FBN2: variants seen among roughly 807,000 people sequenced by gnomAD.
FBN2 encodes fibrillin-2.
FBN2 carries 105 observed loss-of-function variants against 355.6 expected under a neutral mutation model. The ratio of observed to expected loss-of-function variants is 0.30; its 90% CI spans 0.25 to 0.35. The LOEUF (loss-of-function observed/expected upper bound fraction) is 0.35. FBN2 is among the 10% of genes least tolerant of loss of function. FBN2 has a pLI of 1.00. For synonymous variants in FBN2, 1,350 were observed against 1,301.2 expected, an observed-to-expected ratio of 1.04 and a Z score of -0.81; for missense variants, 3,280 against 3,758.7, an observed-to-expected ratio of 0.87 and a Z score of 3.33.
Position 128,280,184 on chromosome 5 carries a change from C to A in FBN2, c.7138+8G>T. On this transcript the variant is annotated splice_region_variant and intron_variant, in intron 56 of 64. Coordinates refer to ENST00000262464, the MANE Select transcript of FBN2 (RefSeq NM_001999.4). ...TACCAAGTATAATATATTTGGATGT[C>A]AACTTACCAAGGCATTCAGTGCCTG... 3 of 1,610,444 alleles carry A rather than the reference C, an allele frequency of 1.9e-6. No individual in the cohort carries two copies. In the South Asian group the frequency reaches 3.3e-5, roughly 18 times the overall value.
At chr5:128,502,877 T>C (rs1217507008) in intron 5 of FBN2, among the ~76,000 whole-genome samples, 1 of 152,234 alleles carries the variant, frequency 6.6e-6, no homozygotes, top group Non-Finnish European at 1.5e-5. Flanking sequence ...TATGACACTT[T>C]CTTTGTTCAA....
In FBN2 at chr5:128,328,750, G is replaced by A. The variant is rs1233430118; in HGVS notation, c.4417C>T (p.Arg1473Cys). 5 of 1,613,988 alleles carry A rather than the reference G, an allele frequency of 3.1e-6. No individual in the cohort carries two copies. Among genetic ancestry groups the A allele is most frequent in the Non-Finnish European group, 4.2e-6 (5 of 1,180,006 alleles). ...GQCLNVPGAY[R>C]CECEMGFTPA... ...GTGAAGCCCATCTCACACTCGCAGC[G>A]ATATGCACCCGGGACATTAAGGCAC... Residue 1473 changes from arginine (R) to cysteine (C), a missense_variant, in exon 34 of 65, where the codon CGC (arginine) becomes TGC (cysteine). Arg to Cys is a radical substitution (Grantham distance 180, BLOSUM62 -3). This residue lies in a region of FBN2 where 2,284 missense variants were observed against 2,749.5 expected (regional missense o/e 0.83). Transcript: ENST00000262464.
At chr5:128,276,969 G>A (rs918208683) in intron 58 of FBN2, among the ~76,000 whole-genome samples, 7 of 151,978 alleles carry the variant, frequency 4.6e-5, no homozygotes, top group African/African-American at 1.2e-4. Context: ...TTTCCTACTC[G>A]GACTCTGAGA....
intron 11 of FBN2, among the ~76,000 whole-genome samples, chr5:128,390,175 G>A (rs189890606): frequency 7.6e-4 from 116 of 152,140 alleles, no homozygotes; most frequent in African/African-American, 2.7e-3. Flanking sequence ...AATTTAAATG[G>A]CATTTAAGGA....
At chr5:128,360,406 C>T (rs1276701274) in intron 19 of FBN2, among the ~76,000 whole-genome samples, 1 of 152,020 alleles carries the variant, frequency 6.6e-6, no homozygotes, top group Admixed American at 6.6e-5. Flanking sequence ...TAAGTGTGTC[C>T]CCTTCTCACC....
intron 16 of FBN2, among the ~76,000 whole-genome samples, chr5:128,368,799 T>C (rs1751853340): frequency 6.6e-6 from 1 of 151,564 alleles, no homozygotes; most frequent in Non-Finnish European, 1.5e-5. Flanking sequence ...GCCCCCCTAG[T>C]AGCTGGGACT....
At chr5:128,344,174 A>C (rs1751103674) in intron 25 of FBN2, among the ~76,000 whole-genome samples, 2 of 152,182 alleles carry the variant, frequency 1.3e-5, no homozygotes. Flanking sequence ...CTACTTGAGA[A>C]CAGAAGTTTG....
rs997346892 is a variant in FBN2, at chr5:128,336,185, C to T, written c.3599-72G>A. The T allele has an allele frequency of 1.0e-5, 15 of 1,481,468 alleles. No individual in the cohort carries two copies. In the African/African-American group the frequency reaches 1.5e-4, roughly 15 times the overall value. 91.8% of individuals were successfully genotyped at this position (1,481,468 alleles called of 1,614,324 possible). ...TAAAGCCATCAGAAAGGTGCTTCAC[C>T]AGAGCAGTGGTCTCCAAAGGGGTTT... On this transcript the variant is annotated intron_variant, in intron 27 of 64. Transcript: ENST00000262464.
chr5:128,452,765 G>T (rs1209247832), intron 6 of FBN2, among the ~76,000 whole-genome samples: 1 of 151,920 alleles, frequency 6.6e-6, no homozygotes, highest in Non-Finnish European at 1.5e-5. Flanking sequence ...TACAGGTGCG[G>T]GTTTGTTATG....
At chr5:128,536,770 C>A (rs568080337) in intron 1 of FBN2, among the ~76,000 whole-genome samples, 1 of 152,262 alleles carries the variant, frequency 6.6e-6, no homozygotes, top group East Asian at 1.9e-4. Flanking sequence ...TGCTACTATT[C>A]TAGCTTCCAG....
intron 11 of FBN2, among the ~76,000 whole-genome samples, chr5:128,383,822 G>A (rs1026049665): frequency 2.0e-5 from 3 of 152,028 alleles, no homozygotes; most frequent in Admixed American, 6.6e-5. Context: ...TGCTGGCTTG[G>A]TTATGGAGTA....
intron 11 of FBN2, among the ~76,000 whole-genome samples, chr5:128,381,684 C>CCTG (rs1752238842): frequency 6.6e-6 from 1 of 152,096 alleles, no homozygotes; most frequent in Non-Finnish European, 1.5e-5. Flanking sequence ...GAAAGACAAG[C>CCTG]CTGCTGCTGG....
intron 8 of FBN2, among the ~76,000 whole-genome samples, chr5:128,401,623 T>C (rs946962485): frequency 6.6e-6 from 1 of 151,864 alleles, no homozygotes; most frequent in African/African-American, 2.4e-5. Flanking sequence ...TCTACTAAAA[T>C]ACAAAAAATT....
At chr5:128,342,326 G>C (rs1751045271) in intron 25 of FBN2, among the ~76,000 whole-genome samples, 1 of 152,016 alleles carries the variant, frequency 6.6e-6, no homozygotes. Flanking sequence ...AAATCTCAAG[G>C]AGAGATTTGG....
At chr5:128,497,557 C>T (rs1755689398) in intron 5 of FBN2, among the ~76,000 whole-genome samples, 1 of 152,222 alleles carries the variant, frequency 6.6e-6, no homozygotes, top group African/African-American at 2.4e-5. Context: ...GAAAGGCATA[C>T]TGCAGTCTCC....
chr5:128,258,464 T>C lies in FBN2; in HGVS notation c.*991A>G, dbSNP rs1461827325. The stretch of plus-strand genomic sequence containing the variant: ...GCACATATGGCAATCCTGAAATAAC[T>C]TGAACATAATAAATGCACCATTATT... On this transcript the variant is annotated 3_prime_UTR_variant, in exon 65 of 65. Transcript: ENST00000262464. 6.6e-6 allele frequency: 1 copy of C among 152,568 alleles called. No homozygotes were observed. The highest frequency in any genetic ancestry group is 2.4e-5 in the African/African-American group (1 of 41,432). The allele number at this position is 152,568 out of a possible 1,614,324, so 9.5% of individuals were successfully genotyped here. A position where few individuals can be genotyped will look rare whatever the true frequency, so the allele number is the denominator to read the frequency against.
Position 128,289,922 on chromosome 5 carries a change from A to T in FBN2, c.6471T>A (p.Tyr2157Ter), listed in dbSNP as rs774759286. The change falls in exon 51 of 65, where the codon TAT (tyrosine) becomes TAA (stop). Residue 2157 changes from tyrosine (Y) to a stop codon, truncating the protein, a stop_gained. Coordinates refer to ENST00000262464, the MANE Select transcript of FBN2 (RefSeq NM_001999.4). LOFTEE classifies it high-confidence loss of function. ...DEVAFQDLCP[Y>*]GHGTVPSLHD... ...GAAGACTAGGGACAGTTCCATGGCCATATGGACACAAATCCTGAAATGCAA... is the reference window on the plus strand; with the variant it reads ...GAAGACTAGGGACAGTTCCATGGCCTTATGGACACAAATCCTGAAATGCAA... 1 of 1,605,322 alleles carries T rather than the reference A, an allele frequency of 6.2e-7. No individual in the cohort carries two copies. Among genetic ancestry groups the T allele is most frequent in the South Asian group, 1.1e-5 (1 of 90,876 alleles).
intron 5 of FBN2, among the ~76,000 whole-genome samples, chr5:128,495,739 C>A (rs145909302): frequency 0.014 from 2,178 of 152,026 alleles, 55 homozygotes; most frequent in African/African-American, 0.049. Flanking sequence ...AGTTGGCAAA[C>A]CTTTAGCTAG....
intron 26 of FBN2, 122 bp from the exon 27 acceptor site, chr5:128,338,244 A>T: frequency 1.0e-6 from 1 of 985,678 alleles, no homozygotes. Context: ...GAGATGCTTC[A>T]TAGGAGATGG....
Sources: gnomAD v4.1 joint callset for allele counts (sites outside exome capture counted in the v4.1 genomes callset) on GRCh38, gnomAD v4.1.1 for gene constraint, gnomAD v4.1.1 regional missense constraint, MANE v1.5 for transcripts, NCBI Gene and HGNC (gene_info 2026-07-23, HGNC 2026-07-21) for gene names.